KCNK10: variants seen among roughly 807,000 people sequenced by gnomAD.
KCNK10 encodes the protein potassium channel subfamily K member 10.
KCNK10 carries 25 observed loss-of-function variants against 47.7 expected under a neutral mutation model. The observed-to-expected ratio is 0.52, with a 90% CI of 0.38 to 0.73. The LOEUF (loss-of-function observed/expected upper bound fraction) is 0.73. Ranked by LOEUF, KCNK10 falls within the 30% of genes least tolerant of loss-of-function variation. The pLI is 0.00. For synonymous variants in KCNK10, 303 were observed against 285.6 expected (o/e 1.06, Z -0.61); for missense variants, 563 against 714.5 (o/e 0.79, Z 2.42).
intron 1 of KCNK10, among the ~76,000 whole-genome samples, chr14:88,270,511 G>A (rs528840974): frequency 1.2e-4 from 19 of 152,254 alleles, no homozygotes; most frequent in African/African-American, 4.6e-4. Context: ...AACGCCACCC[G>A]AGGCTCTCCC....
intron 2 of KCNK10, among the ~76,000 whole-genome samples, chr14:88,245,818 CA>C (rs1886621505): frequency 6.6e-6 from 1 of 152,172 alleles, no homozygotes; most frequent in Non-Finnish European, 1.5e-5. Context: ...AGGGAACTTG[CA>C]AATAAAAAGG....
At chr14:88,207,420 C>A (rs1324806057) in intron 4 of KCNK10, among the ~76,000 whole-genome samples, 1 of 152,042 alleles carries the variant, frequency 6.6e-6, no homozygotes, top group East Asian at 1.9e-4. Flanking sequence ...ATGATCCGCC[C>A]GCCTCAGCCT....
chr14:88,244,719 G>A (rs1474051206), intron 2 of KCNK10, among the ~76,000 whole-genome samples: 1 of 152,098 alleles, frequency 6.6e-6, no homozygotes, highest in East Asian at 1.9e-4. Flanking sequence ...GTGAATGGAG[G>A]GCAGCCCATT....
upstream of KCNK10, among the ~76,000 whole-genome samples, chr14:88,325,411 T>C (rs10150877): frequency 0.17 from 25,761 of 152,152 alleles, 2,765 homozygotes; most frequent in African/African-American, 0.3. Flanking sequence ...CATCTCATAT[T>C]TCCTCTCCAT....
Position 88,192,374 on chromosome 14 carries a change from A to T in KCNK10, c.718T>A (p.Ser240Thr). The change falls in exon 5 of 7, where the codon TCA becomes ACA. Residue 240 changes from serine (S) to threonine (T), a missense_variant. Ser to Thr is a moderately conservative substitution (Grantham distance 58). Coordinates refer to ENST00000319231, the MANE Select transcript of KCNK10 (RefSeq NM_138317.3). Reference sequence around the variant, plus strand: ...CCGGCCAAGATGAACAGGATGGTTGAGATGACCCGGATCTTGGTCTGACTC... The same window carrying T: ...CCGGCCAAGATGAACAGGATGGTTGTGATGACCCGGATCTTGGTCTGACTC... ...QVSQTKIRVISTILFILAGCI... is the reference protein window; with the variant it reads ...QVSQTKIRVITTILFILAGCI... 6.2e-7 allele frequency: 1 copy of T among 1,614,006 alleles called. No homozygotes were observed. The highest frequency in any genetic ancestry group is 8.5e-7 in the Non-Finnish European group (1 of 1,179,968).
intron 3 of KCNK10, among the ~76,000 whole-genome samples, chr14:88,234,869 C>T (rs531720726): frequency 1.5e-4 from 23 of 151,950 alleles, no homozygotes; most frequent in South Asian, 4.2e-4. Flanking sequence ...CCAAAAGAAG[C>T]GGAGATTGGA....
chr14:88,194,775 G>A (rs1940555), intron 4 of KCNK10, among the ~76,000 whole-genome samples: 2,997 of 152,180 alleles, frequency 0.02, 89 homozygotes, highest in African/African-American at 0.065. Flanking sequence ...TCATTGCCCC[G>A]GCTAACAAGT....
intron 2 of KCNK10, among the ~76,000 whole-genome samples, chr14:88,259,287 C>G (rs548603560): frequency 6.6e-6 from 1 of 152,298 alleles, no homozygotes; most frequent in South Asian, 2.1e-4. Flanking sequence ...GACACAGATT[C>G]AGCAGTTAAA....
In KCNK10 at chr14:88,313,938, C is replaced by T. The variant is rs534289871; in HGVS notation, c.52+8809G>A. Among the ~76,000 whole-genome samples, 57 of 152,272 alleles carry T rather than the reference C, an allele frequency of 3.7e-4. No homozygotes were observed. The South Asian group carries it at 0.011, about 29-fold the overall frequency. ...TTCTCAGAGTATCTGATGAGTCTAGCTTATGTCTCACAGAACACATTTTGG... is the reference window on the plus strand; with the variant it reads ...TTCTCAGAGTATCTGATGAGTCTAGTTTATGTCTCACAGAACACATTTTGG... On this transcript the variant is annotated intron_variant, in intron 1 of 6. Transcript: ENST00000319231.
At chr14:88,187,237 C>T (rs1447140070) in intron 6 of KCNK10, among the ~76,000 whole-genome samples, 1 of 152,158 alleles carries the variant, frequency 6.6e-6, no homozygotes, top group Non-Finnish European at 1.5e-5. Flanking sequence ...CAAACAGAGG[C>T]TGGCCCTCTA....
chr14:88,270,109 C>T (rs1379128464), intron 1 of KCNK10, among the ~76,000 whole-genome samples: 4 of 152,008 alleles, frequency 2.6e-5, no homozygotes, highest in Non-Finnish European at 4.4e-5. Flanking sequence ...TCCCCGCAGC[C>T]GACCTCCCAC....
At position 88,255,819 on chromosome 14, in the gene KCNK10, C is replaced by G. The variant is rs539494231; in HGVS notation, c.402+7383G>C. Among the ~76,000 whole-genome samples the G allele has an allele frequency of 2.0e-5, 3 of 152,116 alleles. No homozygotes were observed. The East Asian group carries it at 5.8e-4, about 29-fold the overall frequency. ...AGGCTACAGTGAACCATGATTGCAC[C>G]ACTGCACTCCAGTGTGGGTAAGAGA... On this transcript the variant is annotated intron_variant, in intron 2 of 6. Coordinates refer to ENST00000319231, the MANE Select transcript of KCNK10 (RefSeq NM_138317.3).
intron 1 of KCNK10, among the ~76,000 whole-genome samples, chr14:88,307,006 C>T (rs1888215724): frequency 2.0e-5 from 3 of 152,106 alleles, no homozygotes; most frequent in Admixed American, 2.0e-4. Flanking sequence ...CTCAGGATGT[C>T]CACACCCAGT....
intron 4 of KCNK10, among the ~76,000 whole-genome samples, chr14:88,210,969 G>A (rs764647191): frequency 8.5e-5 from 13 of 152,124 alleles, no homozygotes; most frequent in Non-Finnish European, 1.5e-4. Context: ...AATTAAATCT[G>A]TAATTATATG....
intron 4 of KCNK10, among the ~76,000 whole-genome samples, chr14:88,221,300 T>TTAATAATAATAATAA (rs1885801315): frequency 1.4e-5 from 1 of 68,976 alleles, no homozygotes; most frequent in African/African-American, 9.9e-5. Flanking sequence ...AGACTCTGTC[T>TTAATAATAATAATAA]CAATAATAAT....
chr14:88,180,996 G>A lies in KCNK10; in HGVS notation c.*4539C>T. 1 of 396,154 alleles carries A rather than the reference G, an allele frequency of 2.5e-6. No homozygotes were observed. The highest frequency in any genetic ancestry group is 4.4e-6 in the Non-Finnish European group (1 of 225,028). 24.5% of individuals were successfully genotyped at this position (396,154 alleles called of 1,614,324 possible). A position where few individuals can be genotyped will look rare whatever the true frequency, so the allele number is the denominator to read the frequency against. ...TCAGCCACTGTCTTTGCACACAATT[G>A]CATCCTAACAGTGAGAAAGAATAAC... On this transcript the variant is annotated 3_prime_UTR_variant, in exon 7 of 7. Transcript: ENST00000319231.
rs778180293 is a variant in KCNK10, at chr14:88,192,225, T to C, written c.867A>G (p.Ala289=). ...LTTVGFGDFV[A]GGNAGINYRE... ...GCCTGGCCTGCCCAGGGTGCTTACC[T>C]GCCACAAAATCACCAAAGCCCACCG... The change falls in exon 5 of 7, where the codon GCA becomes GCG. Residue 289 remains alanine, a splice_region_variant and synonymous_variant. Transcript: ENST00000319231. 16 of 1,612,190 alleles carry C rather than the reference T, an allele frequency of 9.9e-6. No homozygotes were observed. The highest frequency in any genetic ancestry group is 4.2e-6 in the Non-Finnish European group (5 of 1,179,054).
chr14:88,247,191 C>T (rs1886668483), intron 2 of KCNK10, among the ~76,000 whole-genome samples: 1 of 152,188 alleles, frequency 6.6e-6, no homozygotes, highest in Non-Finnish European at 1.5e-5. Flanking sequence ...CGCACAGCTT[C>T]CCACATCTGG....
At chr14:88,313,604 T>C (rs11624685) in intron 1 of KCNK10, among the ~76,000 whole-genome samples, 26,754 of 152,028 alleles carry the variant, frequency 0.18, 2,506 homozygotes, top group East Asian at 0.25. Context: ...AATTTGCAAG[T>C]CACATGAGCA....
Sources: gnomAD v4.1 joint callset for allele counts (sites outside exome capture counted in the v4.1 genomes callset) on GRCh38, gnomAD v4.1.1 for gene constraint, MANE v1.5 for transcripts, NCBI Gene and HGNC (gene_info 2026-07-23, HGNC 2026-07-21) for gene names.